Variants in TMEM63A observed in about 807,000 individuals in gnomAD.
The protein encoded by TMEM63A is transmembrane protein 63A, also known as mechanosensitive cation channel TMEM63A.
In TMEM63A, 76 loss-of-function variants were observed where a neutral mutation model predicts 100.6. That is an observed-to-expected ratio of 0.76 (90% CI 0.63 to 0.91). The LOEUF is 0.91. TMEM63A is among the 40% of genes least tolerant of loss of function. TMEM63A has a pLI of 0.00. For synonymous variants in TMEM63A, 401 were observed against 401.1 expected (o/e 1.00, Z 0.00); for missense variants, 876 against 1,008.8 (o/e 0.87, Z 1.78).
At chr1:225,868,694 A>G (rs923340472) in intron 6 of TMEM63A, among the ~76,000 whole-genome samples, 3 of 140,376 alleles carry the variant, frequency 2.1e-5, no homozygotes, top group African/African-American at 5.4e-5. Context: ...CTCAAAAAAG[A>G]AAAAAAAAAA....
At position 225,865,741 on chromosome 1, in the gene TMEM63A, C is replaced by A. The variant is rs536482782; in HGVS notation, c.746+156G>T. 2 of 706,238 alleles carry A rather than the reference C, an allele frequency of 2.8e-6. No homozygotes were observed. The highest frequency in any genetic ancestry group is 3.5e-5 in the African/African-American group (2 of 56,480). The allele number at this position is 706,238 out of a possible 1,614,324, so 43.7% of individuals were successfully genotyped here. A position where few individuals can be genotyped will look rare whatever the true frequency, so the allele number is the denominator to read the frequency against. On this transcript the variant is annotated intron_variant, in intron 10 of 24. Transcript: ENST00000366835. This position sits in a 1 kb window ranked among gnomAD's most constrained non-coding sequence, Gnocchi z 4.6. The stretch of plus-strand genomic sequence containing the variant: ...GCAGGGCTGGCACACAGGAGCCACT[C>A]CATACACGTGTGGCAGGGCCAGGTC...
chr1:225,846,972 GC>G lies in TMEM63A; in HGVS notation c.*7-41del, dbSNP rs45627343. 2.7e-3 allele frequency: 4,158 copies of G among 1,512,134 alleles called. 107 individuals carry two copies. In the African/African-American group the frequency reaches 0.05, roughly 18 times the overall value. The allele number at this position is 1,512,134 out of a possible 1,614,324, so 93.7% of individuals were successfully genotyped here. ...AAGAAGTCATGAACTTGGGAGTCAG[GC>G]CGCTTCACCTGTCTTCTCACCCCAC... On this transcript the variant is annotated intron_variant, in intron 24 of 24. Coordinates refer to ENST00000366835, the MANE Select transcript of TMEM63A (RefSeq NM_014698.3).
In TMEM63A at chr1:225,853,620, G is replaced by T. The variant is rs541882791; in HGVS notation, c.1797+9C>A. ...TCAGAGGCACAGCCCTGGGCCCAGG[G>T]GATGGCACCTGCTTGACATTCCTGC... is the stretch of plus-strand genomic sequence containing the variant. On this transcript the variant is annotated intron_variant, in intron 19 of 24. Transcript: ENST00000366835. This position sits in a 1 kb window ranked among gnomAD's most constrained non-coding sequence, Gnocchi z 4.0. The T allele has an allele frequency of 2.6e-6, 4 of 1,554,184 alleles. No individual in the cohort carries two copies. The Admixed American group carries it at 7.9e-5, about 31-fold the overall frequency.
intron 6 of TMEM63A, among the ~76,000 whole-genome samples, chr1:225,869,444 C>A (rs1670380396): frequency 6.6e-6 from 1 of 152,210 alleles, no homozygotes; most frequent in Admixed American, 6.5e-5. Context: ...TGTCTCCTGC[C>A]AGTTCCCCTG....
At chr1:225,843,459 G>A (rs147313437), downstream of TMEM63A, among the ~76,000 whole-genome samples, 1 of 152,320 alleles carries the variant, frequency 6.6e-6, no homozygotes, top group Non-Finnish European at 1.5e-5. Flanking sequence ...AGCCTCAGCA[G>A]GGCCTTCGTC....
intron 19 of TMEM63A, 142 bp from the exon 20 acceptor site, chr1:225,852,911 T>C: frequency 1.4e-6 from 1 of 699,740 alleles, no homozygotes; most frequent in Non-Finnish European, 2.5e-6. Flanking sequence ...CCCAAGGTCC[T>C]TCCCATCCCT....
In TMEM63A at chr1:225,867,786, G is replaced by C; in HGVS notation, c.514+102C>G. On this transcript the variant is annotated intron_variant, in intron 7 of 24. Coordinates refer to ENST00000366835, the MANE Select transcript of TMEM63A (RefSeq NM_014698.3). This position sits in a 1 kb window ranked among gnomAD's most constrained non-coding sequence, Gnocchi z 4.6. ...CCTGAGACCATCTTACATCTGAAGT[G>C]GGGCATGACTCCTGGGGTTCTGGTC... The C allele has an allele frequency of 6.9e-7, 1 of 1,441,222 alleles. No homozygotes were observed. The highest frequency in any genetic ancestry group is 9.5e-7 in the Non-Finnish European group (1 of 1,056,940). 89.3% of individuals were successfully genotyped at this position (1,441,222 alleles called of 1,614,324 possible). A position where few individuals can be genotyped will look rare whatever the true frequency, so the allele number is the denominator to read the frequency against.
chr1:225,854,110 G>A (rs1336072128), intron 18 of TMEM63A, among the ~76,000 whole-genome samples: 1 of 150,512 alleles, frequency 6.6e-6, no homozygotes, highest in Non-Finnish European at 1.5e-5. Context: ...TCATACAGGG[G>A]TTGGAGGAGC....
chr1:225,841,364 C>G (rs371123064), downstream of TMEM63A, among the ~76,000 whole-genome samples: 34 of 152,234 alleles, frequency 2.2e-4, no homozygotes, highest in African/African-American at 7.5e-4. Flanking sequence ...CTCACTGCAA[C>G]CTCCGCCTCC....
At chr1:225,859,449 C>G (rs1669822908) in intron 14 of TMEM63A, 100 bp from the exon 15 acceptor site, 1 of 1,466,366 alleles carries the variant, frequency 6.8e-7, no homozygotes, top group Non-Finnish European at 9.2e-7. Flanking sequence ...AGAGACTAGC[C>G]TGGGGGCAAG....
At chr1:225,875,414 G>A (rs986214091) in intron 3 of TMEM63A, among the ~76,000 whole-genome samples, 2 of 152,194 alleles carry the variant, frequency 1.3e-5, no homozygotes, top group Admixed American at 6.5e-5. Flanking sequence ...GGTTCAGGGA[G>A]GTAGAGAAAT....
At chr1:225,850,188 C>CT (rs1219851343) in intron 20 of TMEM63A, 109 bp from the exon 21 acceptor site, 10 of 1,291,264 alleles carry the variant, frequency 7.7e-6, no homozygotes, top group African/African-American at 1.5e-5. Flanking sequence ...GCTGGGGCTG[C>CT]TGCTCTACTG....
In TMEM63A at chr1:225,866,796, C is replaced by T. The variant is rs1231038756; in HGVS notation, c.567-114G>A. 5 of 904,292 alleles carry T rather than the reference C, an allele frequency of 5.5e-6. No individual in the cohort carries two copies. In the East Asian group the frequency reaches 1.3e-4, roughly 23 times the overall value. 56.0% of individuals were successfully genotyped at this position (904,292 alleles called of 1,614,324 possible). ...ACTGAACTGAGGACCAACAGCTTCACTGCAAGAGATGCCTCCCACAGAGGT... is the reference window on the plus strand; with the variant it reads ...ACTGAACTGAGGACCAACAGCTTCATTGCAAGAGATGCCTCCCACAGAGGT... On this transcript the variant is annotated intron_variant, in intron 8 of 24. Coordinates refer to ENST00000366835, the MANE Select transcript of TMEM63A (RefSeq NM_014698.3).
intron 4 of TMEM63A, among the ~76,000 whole-genome samples, chr1:225,872,809 T>G (rs1670583972): frequency 6.7e-6 from 1 of 150,318 alleles, no homozygotes. Flanking sequence ...ATTCTCTGCC[T>G]CAGTCTCCCG....
chr1:225,868,870 A>G (rs1314382534), intron 6 of TMEM63A, among the ~76,000 whole-genome samples: 1 of 151,248 alleles, frequency 6.6e-6, no homozygotes. Context: ...ACCCTTTCCC[A>G]CCCTTGGAGT....
At chr1:225,845,350 C>A, downstream of TMEM63A, 1 of 1,601,036 alleles carries the variant, frequency 6.2e-7, no homozygotes, top group Non-Finnish European at 8.5e-7. Flanking sequence ...GGCAATGACC[C>A]ACCCCTCTCC....
downstream of TMEM63A, chr1:225,844,459 GTGGC>G (rs201596741): frequency 0.042 from 68,254 of 1,613,514 alleles, 1,617 homozygotes; most frequent in Middle Eastern, 0.064. Flanking sequence ...ACAACTGCAT[GTGGC>G]ACTGAGAGTG....
intron 9 of TMEM63A, 74 bp from the exon 10 acceptor site, chr1:225,866,041 A>ACT (rs1670190586): frequency 1.4e-6 from 2 of 1,476,640 alleles, no homozygotes; most frequent in South Asian, 2.3e-5. Flanking sequence ...TTCCTACCCA[A>ACT]CTCCAGCCTC....
rs779544787 is a variant in TMEM63A at position 225,862,123 on chromosome 1, G to A, written c.1085+95C>T. 1.3e-6 allele frequency: 2 copies of A among 1,528,966 alleles called. No individual in the cohort carries two copies. Among genetic ancestry groups the A allele is most frequent in the Non-Finnish European group, 1.8e-6 (2 of 1,127,728 alleles). 94.7% of individuals were successfully genotyped at this position (1,528,966 alleles called of 1,614,324 possible). On this transcript the variant is annotated intron_variant, in intron 13 of 24. Coordinates refer to ENST00000366835, the MANE Select transcript of TMEM63A (RefSeq NM_014698.3). This position sits in a 1 kb window ranked among gnomAD's most constrained non-coding sequence, Gnocchi z 5.1. ...CACAGATAAATCCCAGGGATGGTGGGTCAGCAGTACCATCTCCACTCGAGA... is the reference window on the plus strand; with the variant it reads ...CACAGATAAATCCCAGGGATGGTGGATCAGCAGTACCATCTCCACTCGAGA...
Sources: allele counts gnomAD v4.1 joint callset (sites outside exome capture counted in the v4.1 genomes callset), GRCh38; gene constraint gnomAD v4.1.1; non-coding constraint Gnocchi (gnomAD v3.1); transcripts MANE v1.5; gene names NCBI Gene and HGNC (gene_info 2026-07-23, HGNC 2026-07-21).